The following LRP1B variants were observed in gnomAD, a reference collection of about 807,000 sequenced individuals.
LRP1B encodes LDL receptor related protein 1B, also known as low-density lipoprotein receptor-related protein 1B.
Under a neutral mutation model 556.6 loss-of-function variants are expected in LRP1B, and 217 were observed. The observed-to-expected ratio is 0.39, with a 90% confidence interval of 0.35 to 0.44. LRP1B has a LOEUF of 0.44. Among genes scored for constraint, LRP1B ranks in the 20% least tolerant of loss-of-function variants. The pLI is 1.00. For missense variants in LRP1B, 5,053 were observed against 5,620.8 expected (o/e 0.90, Z 3.23); for synonymous variants, 2,047 against 1,865.8 (o/e 1.10, Z -2.50).
chr2:141,977,194 A>T (rs1443988193), intron 1 of LRP1B, among the ~76,000 whole-genome samples: 2 of 152,030 alleles, frequency 1.3e-5, no homozygotes, highest in African/African-American at 4.8e-5. Context: ...GAAAATTTTA[A>T]ATCCTATTTC....
chr2:141,115,452 G>GTTTTTT (rs1364204085), intron 7 of LRP1B, among the ~76,000 whole-genome samples: 42 of 90,602 alleles, frequency 4.6e-4, no homozygotes, highest in African/African-American at 1.4e-3. Context: ...ATAGGTTTTT[G>GTTTTTT]TTTTTGTTTT....
At chr2:140,615,637 T>C (rs910819113) in intron 41 of LRP1B, among the ~76,000 whole-genome samples, 5 of 152,108 alleles carry the variant, frequency 3.3e-5, no homozygotes, top group Non-Finnish European at 5.9e-5. Context: ...ATACATTGTT[T>C]GCATGGAGTG....
intron 7 of LRP1B, among the ~76,000 whole-genome samples, chr2:141,154,054 G>A (rs1702005880): frequency 6.6e-6 from 1 of 151,806 alleles, no homozygotes. Flanking sequence ...AGAGAGGTCT[G>A]CTATGTTAGA....
chr2:141,232,652 G>A (rs1683515436), intron 5 of LRP1B, among the ~76,000 whole-genome samples: 1 of 152,140 alleles, frequency 6.6e-6, no homozygotes, highest in South Asian at 2.1e-4. Context: ...AATTGTTTTA[G>A]TGAAAAACAT....
At chr2:141,225,203 A>G (rs1683196572) in intron 6 of LRP1B, among the ~76,000 whole-genome samples, 1 of 152,146 alleles carries the variant, frequency 6.6e-6, no homozygotes, top group Non-Finnish European at 1.5e-5. Context: ...ACTGGATTGG[A>G]GTTGAGCCCA....
chr2:140,335,494 T>G (rs1431821253), intron 78 of LRP1B, 121 bp downstream of exon 78: 4 of 667,042 alleles, frequency 6.0e-6, no homozygotes, highest in Non-Finnish European at 1.1e-5. Context: ...TACAAGGATA[T>G]TTAAAAGCAT....
intron 2 of LRP1B, among the ~76,000 whole-genome samples, chr2:141,758,514 T>C (rs1694405181): frequency 2.6e-5 from 4 of 152,044 alleles, no homozygotes; most frequent in South Asian, 2.1e-4. Flanking sequence ...TTATGAATAA[T>C]ACATAAAGAA....
chr2:141,045,568 C>A (rs1047867069), intron 11 of LRP1B, among the ~76,000 whole-genome samples: 2 of 151,846 alleles, frequency 1.3e-5, no homozygotes, highest in Non-Finnish European at 2.9e-5. Context: ...CCTGTTGATA[C>A]CCCTTTTATT....
chr2:141,017,028 G>A (rs961456460), intron 12 of LRP1B, among the ~76,000 whole-genome samples: 50 of 151,988 alleles, frequency 3.3e-4, no homozygotes, highest in African/African-American at 8.2e-4. Flanking sequence ...TTCTCTTAAC[G>A]GTTTCCAGTT....
chr2:141,690,627 G>A (rs2105445150), intron 2 of LRP1B, among the ~76,000 whole-genome samples: 1 of 150,362 alleles, frequency 6.7e-6, no homozygotes, highest in Admixed American at 6.7e-5. Context: ...CAATAACTAG[G>A]GATTCTGCTC....
At chr2:141,567,443 A>G (rs1168409431) in intron 2 of LRP1B, among the ~76,000 whole-genome samples, 1 of 152,176 alleles carries the variant, frequency 6.6e-6, no homozygotes, top group Non-Finnish European at 1.5e-5. Context: ...TTTTCAGGAC[A>G]CCTAGTTGCC....
chr2:141,855,547 TA>T (rs1447164965), intron 1 of LRP1B, among the ~76,000 whole-genome samples: 1 of 152,140 alleles, frequency 6.6e-6, no homozygotes, highest in East Asian at 1.9e-4. Context: ...GTGAAAATTC[TA>T]AAAACAATAG....
intron 2 of LRP1B, among the ~76,000 whole-genome samples, chr2:141,635,704 A>G (rs1204791754): frequency 6.6e-6 from 1 of 152,230 alleles, no homozygotes; most frequent in Non-Finnish European, 1.5e-5. Flanking sequence ...TTCAAGACAG[A>G]AGCCTTTGAA....
intron 1 of LRP1B, among the ~76,000 whole-genome samples, chr2:141,877,982 T>C (rs550467959): frequency 6.6e-6 from 1 of 151,968 alleles, no homozygotes; most frequent in South Asian, 2.1e-4. Context: ...AATAGGCTCA[T>C]ACTTCTTGGC....
intron 60 of LRP1B, among the ~76,000 whole-genome samples, chr2:140,466,941 T>C (rs1405511857): frequency 6.6e-6 from 1 of 152,232 alleles, no homozygotes; most frequent in Non-Finnish European, 1.5e-5. Context: ...AATCTGAATT[T>C]ATTTACTTTG....
At chr2:141,446,491 T>C (rs190579561) in intron 3 of LRP1B, among the ~76,000 whole-genome samples, 3 of 152,344 alleles carry the variant, frequency 2.0e-5, no homozygotes, top group African/African-American at 7.2e-5. Context: ...GTTGATGCAG[T>C]TTCTTCATAG....
chr2:141,071,198 A>C (rs1699630785), intron 7 of LRP1B, among the ~76,000 whole-genome samples: 2 of 149,726 alleles, frequency 1.3e-5, no homozygotes, highest in South Asian at 4.3e-4. Flanking sequence ...AGGCTGGTTC[A>C]ATATACGCAA....
Position 140,598,808 on chromosome 2 carries a change from T to C in LRP1B, c.7017A>G (p.Glu2339=). 1 of 1,609,544 alleles carries C rather than the reference T, an allele frequency of 6.2e-7. No individual in the cohort carries two copies. The highest frequency in any genetic ancestry group is 8.5e-7 in the Non-Finnish European group (1 of 1,175,994). The change falls in exon 43 of 91, where the codon GAA becomes GAG. Residue 2339 remains glutamate (E), a synonymous_variant. Transcript: ENST00000389484. ...QNLMFWTNWN[E]QHPSIMRSTL... ...TAGATCTCATGATACTTGGATGTTG[T>C]TCATTCCAGTTGGTCCAAAACATTA...
At chr2:140,918,005 T>A (rs1055408203) in intron 21 of LRP1B, among the ~76,000 whole-genome samples, 3 of 152,130 alleles carry the variant, frequency 2.0e-5, no homozygotes, top group African/African-American at 7.2e-5. Flanking sequence ...ACCTAAAATT[T>A]GTCTAAAATA....
Sources: allele counts gnomAD v4.1 joint callset (sites outside exome capture counted in the v4.1 genomes callset), GRCh38; gene constraint gnomAD v4.1.1; transcripts MANE v1.5; gene names NCBI Gene and HGNC (gene_info 2026-07-23, HGNC 2026-07-21).